Variants in GPC5 observed in about 807,000 individuals in gnomAD.
The protein encoded by GPC5 is glypican-5.
In GPC5, 47 loss-of-function variants were observed where a neutral mutation model predicts 53.9. The ratio of observed to expected loss-of-function variants is 0.87; its 90% CI spans 0.69 to 1.11. GPC5 has a LOEUF of 1.11. GPC5 is among the 50% of genes most tolerant of loss of function. The pLI, the probability that GPC5 is intolerant of heterozygous loss-of-function variation, is 0.00. For missense variants in GPC5, 748 were observed against 713.1 expected, an observed-to-expected ratio of 1.05 and a Z score of -0.56; for synonymous variants, 286 against 263.3, an observed-to-expected ratio of 1.09 and a Z score of -0.84.
Position 91,716,709 on chromosome 13 carries a change from C to T in GPC5, c.1021-11823C>T, listed in dbSNP as rs368201405. On this transcript the variant is annotated intron_variant, in intron 3 of 7. Transcript: ENST00000377067. ...GTGCAATATATGACACATGAATGTG[C>T]GTGGAATGTTATAGGTAAGTAGATG... Among the ~76,000 whole-genome samples, 129 of 152,196 alleles carry T rather than the reference C, an allele frequency of 8.5e-4. 2 individuals carry two copies. The South Asian group carries it at 0.017, about 20-fold the overall frequency.
chr13:92,742,273 C>T (rs1443401321), intron 7 of GPC5, among the ~76,000 whole-genome samples: 2 of 151,528 alleles, frequency 1.3e-5, no homozygotes, highest in Non-Finnish European at 2.9e-5. Context: ...TAATGATTGC[C>T]ATTCTAACTG....
At chr13:92,083,413 A>C (rs953874816) in intron 6 of GPC5, among the ~76,000 whole-genome samples, 6 of 152,156 alleles carry the variant, frequency 3.9e-5, no homozygotes, top group Non-Finnish European at 7.4e-5. Flanking sequence ...TCCAGAAAAG[A>C]AAAAAACATA....
At chr13:92,050,272 T>C (rs1480734993) in intron 6 of GPC5, among the ~76,000 whole-genome samples, 1 of 152,102 alleles carries the variant, frequency 6.6e-6, no homozygotes, top group Non-Finnish European at 1.5e-5. Flanking sequence ...TGTAATTTTG[T>C]TTTGTTTTGT....
At chr13:92,355,285 A>G (rs1013087109) in intron 7 of GPC5, among the ~76,000 whole-genome samples, 26 of 151,570 alleles carry the variant, frequency 1.7e-4, no homozygotes, top group African/African-American at 6.3e-4. Flanking sequence ...AGTTTATATA[A>G]AGCTAAAAAA....
intron 2 of GPC5, among the ~76,000 whole-genome samples, chr13:91,649,930 T>G (rs890983349): frequency 2.0e-5 from 3 of 152,190 alleles, no homozygotes; most frequent in African/African-American, 7.2e-5. Flanking sequence ...TTTTAAAAAT[T>G]TATTTTGAAA....
intron 7 of GPC5, among the ~76,000 whole-genome samples, chr13:92,764,562 T>C (rs1875319451): frequency 6.6e-6 from 1 of 152,192 alleles, no homozygotes; most frequent in Non-Finnish European, 1.5e-5. Flanking sequence ...GCTGGCTTCT[T>C]GCTTACCTTT....
chr13:92,074,831 C>T (rs2041239961), intron 6 of GPC5, among the ~76,000 whole-genome samples: 1 of 152,182 alleles, frequency 6.6e-6, no homozygotes, highest in Non-Finnish European at 1.5e-5. Flanking sequence ...CGCTACCTGA[C>T]TTCTTCAGCT....
chr13:91,465,877 A>C (rs1359360971), intron 2 of GPC5, among the ~76,000 whole-genome samples: 1 of 152,198 alleles, frequency 6.6e-6, no homozygotes, highest in Non-Finnish European at 1.5e-5. Context: ...GAAAGCATAA[A>C]TTTATTTAAA....
At chr13:91,705,692 C>CA (rs1294752131) in intron 3 of GPC5, among the ~76,000 whole-genome samples, 3 of 135,802 alleles carry the variant, frequency 2.2e-5, no homozygotes, top group Non-Finnish European at 3.1e-5. Context: ...ACTCTAAAAA[C>CA]ACCCCCCCCC....
intron 5 of GPC5, among the ~76,000 whole-genome samples, chr13:91,895,515 G>T (rs146260762): frequency 2.9e-4 from 44 of 152,150 alleles, no homozygotes; most frequent in African/African-American, 9.9e-4. Context: ...AGACCTTTTT[G>T]CAAGCTTGTA....
At chr13:92,648,891 T>G (rs982192738) in intron 7 of GPC5, among the ~76,000 whole-genome samples, 1 of 152,114 alleles carries the variant, frequency 6.6e-6, no homozygotes, top group Non-Finnish European at 1.5e-5. Flanking sequence ...CAGCATTACA[T>G]GTGAGCTTCC....
chr13:92,753,360 T>TA (rs952034969), intron 7 of GPC5, among the ~76,000 whole-genome samples: 32 of 152,006 alleles, frequency 2.1e-4, no homozygotes, highest in Admixed American at 2.0e-4. Flanking sequence ...CAAAAGTAGA[T>TA]AAAACCACAA....
At chr13:92,753,182 T>TGACCCCC (rs1874672192) in intron 7 of GPC5, among the ~76,000 whole-genome samples, 2 of 152,184 alleles carry the variant, frequency 1.3e-5, no homozygotes, top group Non-Finnish European at 2.9e-5. Flanking sequence ...CCCTGACCCC[T>TGACCCCC]GACCCCCGAG....
At chr13:92,214,864 A>T (rs1423990913) in intron 7 of GPC5, among the ~76,000 whole-genome samples, 1 of 152,206 alleles carries the variant, frequency 6.6e-6, no homozygotes, top group Non-Finnish European at 1.5e-5. Context: ...CAGCTCCATG[A>T]GAAAGTCTGA....
chr13:92,556,905 C>A (rs551503172), intron 7 of GPC5, among the ~76,000 whole-genome samples: 2 of 151,860 alleles, frequency 1.3e-5, no homozygotes, highest in South Asian at 4.2e-4. Flanking sequence ...TGTAAGTGTT[C>A]TTTAAAAAGT....
chr13:92,406,669 G>T (rs984706975), intron 7 of GPC5, among the ~76,000 whole-genome samples: 8 of 152,238 alleles, frequency 5.3e-5, no homozygotes, highest in African/African-American at 1.9e-4. Context: ...AAAATGTATA[G>T]GCAAGTAAAG....
At chr13:91,643,387 G>A (rs2034481042) in intron 2 of GPC5, among the ~76,000 whole-genome samples, 1 of 152,102 alleles carries the variant, frequency 6.6e-6, no homozygotes, top group Non-Finnish European at 1.5e-5. Flanking sequence ...GTCCAATCTG[G>A]GAGAGTCACT....
chr13:92,011,260 C>T (rs1031944515), intron 6 of GPC5, among the ~76,000 whole-genome samples: 7 of 151,998 alleles, frequency 4.6e-5, no homozygotes, highest in African/African-American at 7.2e-5. Context: ...ATTTAATAGA[C>T]GAATTGGTCC....
At chr13:92,043,010 T>C (rs1174553211) in intron 6 of GPC5, among the ~76,000 whole-genome samples, 1 of 152,112 alleles carries the variant, frequency 6.6e-6, no homozygotes, top group Non-Finnish European at 1.5e-5. Flanking sequence ...TAGATTTGGG[T>C]ACACAGATGA....
Sources: allele counts gnomAD v4.1 joint callset (sites outside exome capture counted in the v4.1 genomes callset), GRCh38; gene constraint gnomAD v4.1.1; transcripts MANE v1.5; gene names NCBI Gene and HGNC (gene_info 2026-07-23, HGNC 2026-07-21).